RBFOX2: variants seen among roughly 807,000 people sequenced by gnomAD.
RBFOX2 encodes RNA binding protein fox-1 homolog 2.
Under a neutral mutation model 49.1 loss-of-function variants are expected in RBFOX2, and 10 were observed. The ratio of observed to expected loss-of-function variants is 0.20; its 90% CI spans 0.13 to 0.35. The LOEUF (loss-of-function observed/expected upper bound fraction) is 0.35. Among genes scored for constraint, RBFOX2 ranks in the 10% least tolerant of loss-of-function variants. The probability of loss-of-function intolerance (pLI) is 1.00; values close to 1 mark genes in which losing one functional copy is unlikely to be tolerated. For synonymous variants in RBFOX2, 183 were observed against 187.4 expected, an observed-to-expected ratio of 0.98 and a Z score of 0.19; for missense variants, 323 against 486.9, an observed-to-expected ratio of 0.66 and a Z score of 3.17.
intron 1 of RBFOX2, among the ~76,000 whole-genome samples, chr22:35,858,918 A>G (rs147727084): frequency 2.6e-5 from 4 of 152,286 alleles, no homozygotes; most frequent in African/African-American, 9.6e-5. Flanking sequence ...CAATAAATTC[A>G]AACTACAAAT....
intron 1 of RBFOX2, among the ~76,000 whole-genome samples, chr22:35,817,949 A>AACACACACACAC (rs71322983): frequency 8.4e-5 from 12 of 143,568 alleles, no homozygotes; most frequent in African/African-American, 3.1e-4. Context: ...ATCACTTGTC[A>AACACACACACAC]ACACACACAC....
intron 1 of RBFOX2, among the ~76,000 whole-genome samples, chr22:35,827,933 G>T (rs1029610620): frequency 6.6e-6 from 1 of 152,130 alleles, no homozygotes; most frequent in African/African-American, 2.4e-5. Context: ...TTGGGAGGCC[G>T]AGGTGGGCAG....
upstream of RBFOX2, among the ~76,000 whole-genome samples, chr22:35,841,696 A>C (rs2040517617): frequency 6.6e-6 from 1 of 152,216 alleles, no homozygotes; most frequent in African/African-American, 2.4e-5. Context: ...TAAAAAGATT[A>C]ATTCCAAAAT....
chr22:35,850,190 TCATA>T (rs2041759399), intron 1 of RBFOX2, among the ~76,000 whole-genome samples: 1 of 34,454 alleles, frequency 2.9e-5, no homozygotes, highest in African/African-American at 1.2e-4. Context: ...TGTCTCTCTC[TCATA>T]CACACACACA....
rs1026687676 is a variant in RBFOX2 at position 35,996,548 on chromosome 22, T to C, written c.186+31692A>G. 3 of 146,188 alleles carry C rather than the reference T, an allele frequency of 2.1e-5. No individual in the cohort carries two copies. The Admixed American group carries it at 2.1e-4, about 10-fold the overall frequency. The allele number at this position is 146,188 out of a possible 1,614,324, so 9.1% of individuals were successfully genotyped here. ...TGAGCCTGGTAGGTGGAGGTTGCAG[T>C]GAGCTGAGATTGTGCCACTACACTC... On this transcript the variant is annotated intron_variant, in intron 1 of 13. Coordinates refer to the RBFOX2 transcript ENST00000438146.
chr22:35,807,437 AG>A (rs980574120), intron 2 of RBFOX2, among the ~76,000 whole-genome samples: 73 of 152,258 alleles, frequency 4.8e-4, no homozygotes, highest in Admixed American at 3.2e-3. Context: ...AATCAATAAA[AG>A]AAAGAAATTT....
At chr22:35,994,156 T>G (rs1051215669) in intron 1 of RBFOX2, 1 of 151,884 alleles carries the variant, frequency 6.6e-6, no homozygotes, top group Non-Finnish European at 1.5e-5. Flanking sequence ...AATTTAAAAT[T>G]TTGTAGTAGC....
upstream of RBFOX2, among the ~76,000 whole-genome samples, chr22:35,962,304 C>T (rs2056277779): frequency 6.6e-6 from 1 of 152,196 alleles, no homozygotes; most frequent in South Asian, 2.1e-4. Context: ...AGCCTGGAAG[C>T]ACAAATCCTG....
chr22:35,844,860 G>A (rs371919947), upstream of RBFOX2, among the ~76,000 whole-genome samples: 14 of 152,112 alleles, frequency 9.2e-5, no homozygotes, highest in East Asian at 1.2e-3. Context: ...AAAGGAAGAT[G>A]TACAAAAAGA....
intron 1 of RBFOX2, among the ~76,000 whole-genome samples, chr22:36,018,924 T>C (rs1367990176): frequency 6.6e-6 from 1 of 152,166 alleles, no homozygotes. Context: ...AGATTGGCTC[T>C]TTTAGATAGA....
intron 9 of RBFOX2, among the ~76,000 whole-genome samples, chr22:35,753,192 C>A (rs898494733): frequency 2.6e-5 from 4 of 152,200 alleles, no homozygotes; most frequent in African/African-American, 9.7e-5. Flanking sequence ...TTCTAATATG[C>A]CTTTCGGAGG....
intron 1 of RBFOX2, among the ~76,000 whole-genome samples, chr22:35,817,078 G>GCCACCC (rs1168354528): frequency 3.1e-4 from 47 of 152,242 alleles, no homozygotes; most frequent in Non-Finnish European, 4.9e-4. Flanking sequence ...CACTGACTTA[G>GCCACCC]AGGCTTTGGC....
intron 1 of RBFOX2, among the ~76,000 whole-genome samples, chr22:35,913,417 CA>C (rs1261334465): frequency 6.7e-6 from 1 of 150,222 alleles, no homozygotes; most frequent in Non-Finnish European, 1.5e-5. Flanking sequence ...AATTTACAAG[CA>C]AAAAAATAAA....
chr22:35,838,416 T>G (rs1958086339), intron 1 of RBFOX2, among the ~76,000 whole-genome samples: 1 of 151,790 alleles, frequency 6.6e-6, no homozygotes, highest in African/African-American at 2.4e-5. Flanking sequence ...ATGAGCAAGG[T>G]GGGTCTCAGA....
chr22:35,956,925 T>A lies in RBFOX2; in HGVS notation c.42+4638A>T, dbSNP rs140737275. Among the ~76,000 whole-genome samples the A allele has an allele frequency of 1.6e-4, 24 of 152,332 alleles. 1 individual carries two copies. Among genetic ancestry groups the A allele is most frequent in the African/African-American group, 5.8e-4 (24 of 41,586 alleles). ...TACTACTTCAGCAGGAACACTGAAG[T>A]GAAACTGTCTTTCTCCCCTTCTTTA... On this transcript the variant is annotated intron_variant, in intron 1 of 5. Coordinates refer to the RBFOX2 transcript ENST00000408983.
intron 2 of RBFOX2, among the ~76,000 whole-genome samples, chr22:35,783,717 C>G (rs868298707): frequency 6.6e-6 from 1 of 152,174 alleles, no homozygotes; most frequent in Non-Finnish European, 1.5e-5. Flanking sequence ...AGCCAGGGCC[C>G]CCAGACACCA....
intron 1 of RBFOX2, among the ~76,000 whole-genome samples, chr22:35,848,870 A>T (rs1326143857): frequency 3.3e-5 from 5 of 152,186 alleles, no homozygotes; most frequent in Non-Finnish European, 7.4e-5. Flanking sequence ...TTTATATACA[A>T]CAAAACTAAA....
At chr22:35,790,745 G>C (rs970605130) in intron 2 of RBFOX2, among the ~76,000 whole-genome samples, 2 of 152,142 alleles carry the variant, frequency 1.3e-5, no homozygotes, top group Admixed American at 1.3e-4. Flanking sequence ...TTTTGGCTGG[G>C]TGCAATGGCT....
At chr22:36,023,335 T>A (rs1471423458) in intron 1 of RBFOX2, among the ~76,000 whole-genome samples, 3 of 152,202 alleles carry the variant, frequency 2.0e-5, no homozygotes, top group African/African-American at 7.2e-5. Flanking sequence ...TGAACCCACT[T>A]GGCTAAACTG....
Sources: gnomAD v4.1 joint callset for allele counts (sites outside exome capture counted in the v4.1 genomes callset) on GRCh38, gnomAD v4.1.1 for gene constraint, MANE v1.5 for transcripts, NCBI Gene and HGNC (gene_info 2026-07-23, HGNC 2026-07-21) for gene names.